The following RMND5B variants were observed in gnomAD, a reference collection of about 807,000 sequenced individuals.
RMND5B encodes the protein required for meiotic nuclear division 5 homolog B, also known as E3 ubiquitin-protein transferase RMND5B.
RMND5B carries 42 observed loss-of-function variants against 50.4 expected under a neutral mutation model. The observed-to-expected ratio is 0.83, with a 90% confidence interval of 0.65 to 1.08. The LOEUF (loss-of-function observed/expected upper bound fraction) is 1.08. Ranked by LOEUF, RMND5B falls within the 50% of genes least tolerant of loss-of-function variation. RMND5B has a pLI of 0.00. For missense variants in RMND5B, 463 were observed against 508.5 expected (o/e 0.91, Z 0.86); for synonymous variants, 220 against 210.0 (o/e 1.05, Z -0.41).
chr5:178,146,332 A>G, intron 8 of RMND5B, 53 bp downstream of exon 8: 1 of 1,555,756 alleles, frequency 6.4e-7, no homozygotes, highest in Non-Finnish European at 8.8e-7. Context: ...AGAGGTAATC[A>G]TCATTTGCCA....
At chr5:178,144,260 T>C in intron 7 of RMND5B, 152 bp downstream of exon 7, 1 of 765,260 alleles carries the variant, frequency 1.3e-6, no homozygotes, top group Non-Finnish European at 2.1e-6. Flanking sequence ...ACCCCTCGTG[T>C]CCAGGATGAA....
chr5:178,140,872 T>C (rs1370926728), intron 3 of RMND5B, among the ~76,000 whole-genome samples: 1 of 151,900 alleles, frequency 6.6e-6, no homozygotes, highest in Non-Finnish European at 1.5e-5. Context: ...TTTGATACCA[T>C]ATAAATGTCC....
At position 178,138,519 on chromosome 5, in the gene RMND5B, T is replaced by TTTTGTG. The variant is rs3222950; in HGVS notation, c.139+262_139+263insTTGTGT. ...TTTTTAACTTTTTTTCATTTTATAA[T>TTTTGTG]TGTGTGTGTGTGTGTGTGTGTGTGT... On this transcript the variant is annotated intron_variant, in intron 3 of 10. Coordinates refer to ENST00000313386, the MANE Select transcript of RMND5B (RefSeq NM_022762.5). This position sits in a 1 kb window ranked among gnomAD's most constrained non-coding sequence, Gnocchi z 5.1. 7 of 301,372 alleles carry TTTTGTG rather than the reference T, an allele frequency of 2.3e-5. No individual in the cohort carries two copies. The highest frequency in any genetic ancestry group is 3.3e-5 in the Non-Finnish European group (6 of 179,432). 18.7% of individuals were successfully genotyped at this position (301,372 alleles called of 1,614,324 possible).
intron 3 of RMND5B, chr5:178,142,212 G>T (rs1417124263): frequency 1.0e-5 from 2 of 194,688 alleles, no homozygotes; most frequent in East Asian, 2.5e-4. Context: ...GAGTGGAACT[G>T]CTGGATCAGG....
At position 178,148,169 on chromosome 5, in the gene RMND5B, G is replaced by A. The variant is rs1014738682; in HGVS notation, c.*137G>A. On this transcript the variant is annotated 3_prime_UTR_variant, in exon 11 of 11. Transcript: ENST00000313386. The stretch of plus-strand genomic sequence containing the variant: ...GAGGAGTTCCACTGAGGGGAGCACT[G>A]GAGCAGCCCTTTGGCAGAGGCTGAG... 1.2e-6 allele frequency: 1 copy of A among 812,706 alleles called. No individual in the cohort carries two copies. Among genetic ancestry groups the A allele is most frequent in the Non-Finnish European group, 2.0e-6 (1 of 490,290 alleles). The allele number at this position is 812,706 out of a possible 1,614,324, so 50.3% of individuals were successfully genotyped here. A position where few individuals can be genotyped will look rare whatever the true frequency, so the allele number is the denominator to read the frequency against.
chr5:178,139,141 CAAAATAAAT>C (rs1374827918), intron 3 of RMND5B, among the ~76,000 whole-genome samples: 1 of 151,734 alleles, frequency 6.6e-6, no homozygotes, highest in Non-Finnish European at 1.5e-5. Flanking sequence ...TCTCAAAAAA[CAAAATAAAT>C]AAATCAATCC....
chr5:178,140,611 C>T (rs1238502790), intron 3 of RMND5B, among the ~76,000 whole-genome samples: 2 of 151,882 alleles, frequency 1.3e-5, no homozygotes, highest in African/African-American at 4.8e-5. Context: ...GGGCGGATCA[C>T]TCGAGCCCAG....
rs554955278 is a variant in RMND5B at position 178,148,384 on chromosome 5, T to C, written c.*352T>C. On this transcript the variant is annotated 3_prime_UTR_variant, in exon 11 of 11. Coordinates refer to ENST00000313386, the MANE Select transcript of RMND5B (RefSeq NM_022762.5). The stretch of plus-strand genomic sequence containing the variant: ...CCACCCCTGCCCTCAGCCAAGTCTC[T>C]TGCTGCCATGCCAATGCTATGTCCA... The C allele has an allele frequency of 3.0e-4, 111 of 367,246 alleles. No homozygotes were observed. Among genetic ancestry groups the C allele is most frequent in the South Asian group, 2.7e-3 (108 of 40,116 alleles). 22.7% of individuals were successfully genotyped at this position (367,246 alleles called of 1,614,324 possible).
intron 7 of RMND5B, among the ~76,000 whole-genome samples, chr5:178,145,175 G>A (rs986273903): frequency 6.1e-4 from 92 of 151,424 alleles, no homozygotes; most frequent in African/African-American, 2.0e-3. Context: ...TCAGCCTCCC[G>A]AGTAGCTGGG....
Position 178,134,608 on chromosome 5 carries a change from ACCT to A in RMND5B, c.-13+3236_-13+3238del, listed in dbSNP as rs564353503. On this transcript the variant is annotated intron_variant, in intron 2 of 10. Coordinates refer to ENST00000313386, the MANE Select transcript of RMND5B (RefSeq NM_022762.5). ...GGCTTGCTCTAGACAGACTGAATTA[ACCT>A]CCTGCATTTTTTGGATAGAATACCC... 3.9e-4 allele frequency among the ~76,000 whole-genome samples: 59 copies of A among 152,130 alleles called. No individual in the cohort carries two copies. In the South Asian group the frequency reaches 6.0e-3, roughly 16 times the overall value.
At chr5:178,140,065 G>A (rs1405949889) in intron 3 of RMND5B, among the ~76,000 whole-genome samples, 1 of 152,276 alleles carries the variant, frequency 6.6e-6, no homozygotes, top group Non-Finnish European at 1.5e-5. Context: ...GTTGTCTGAT[G>A]TTTTCTCATT....
intron 7 of RMND5B, among the ~76,000 whole-genome samples, chr5:178,145,257 C>T (rs1444361592): frequency 3.9e-5 from 6 of 151,962 alleles, no homozygotes; most frequent in East Asian, 3.9e-4. Context: ...GAGGCTGAGG[C>T]GGGTGGATCA....
rs1581114228 is a variant in RMND5B at position 178,137,524 on chromosome 5, G to A, written c.-12-584G>A. On this transcript the variant is annotated intron_variant, in intron 2 of 10. Coordinates refer to ENST00000313386, the MANE Select transcript of RMND5B (RefSeq NM_022762.5). This position sits in a 1 kb window ranked among gnomAD's most constrained non-coding sequence, Gnocchi z 4.4. ...GCAACACAGAGAGACCCGTCTCTAC[G>A]AAAAAAAATTTTAAATTAGACAGGT... Among the ~76,000 whole-genome samples the A allele has an allele frequency of 6.6e-6, 1 of 151,802 alleles. No individual in the cohort carries two copies. The highest frequency in any genetic ancestry group is 1.9e-4 in the East Asian group (1 of 5,164).
At chr5:178,139,427 G>A (rs1361025416) in intron 3 of RMND5B, among the ~76,000 whole-genome samples, 7 of 151,760 alleles carry the variant, frequency 4.6e-5, no homozygotes, top group Non-Finnish European at 5.9e-5. Context: ...GGCTGGTCTC[G>A]AACTCCTGAC....
chr5:178,143,415 G>C (rs558865810), intron 5 of RMND5B, among the ~76,000 whole-genome samples: 1 of 152,314 alleles, frequency 6.6e-6, no homozygotes, highest in African/African-American at 2.4e-5. Context: ...GGGGTCTGCA[G>C]TCTGCACTCG....
intron 3 of RMND5B, chr5:178,141,996 C>T (rs547321123): frequency 1.9e-5 from 3 of 153,966 alleles, no homozygotes; most frequent in Admixed American, 1.9e-4. Flanking sequence ...TTTCAAGGCT[C>T]ATCTATGCTG....
chr5:178,144,973 C>G, intron 7 of RMND5B, among the ~76,000 whole-genome samples: 1 of 152,180 alleles, frequency 6.6e-6, no homozygotes, highest in East Asian at 1.9e-4. Context: ...CCTGTACTAA[C>G]TTGTTTTTTT....
chr5:178,131,937 T>C (rs1758332758), intron 2 of RMND5B, among the ~76,000 whole-genome samples: 1 of 152,114 alleles, frequency 6.6e-6, no homozygotes, highest in Admixed American at 6.5e-5. Flanking sequence ...TGGAGTTTTT[T>C]CTAAGTACAG....
chr5:178,148,403 A>G lies in RMND5B; in HGVS notation c.*371A>G, dbSNP rs1287750388. On this transcript the variant is annotated 3_prime_UTR_variant, in exon 11 of 11. Coordinates refer to ENST00000313386, the MANE Select transcript of RMND5B (RefSeq NM_022762.5). ...AGTCTCTTGCTGCCATGCCAATGCT[A>G]TGTCCACCCTTGCCCCTCGGCCCAA... The G allele has an allele frequency of 5.7e-6, 2 of 348,590 alleles. No homozygotes were observed. The allele number at this position is 348,590 out of a possible 1,614,324, so 21.6% of individuals were successfully genotyped here. A position where few individuals can be genotyped will look rare whatever the true frequency, so the allele number is the denominator to read the frequency against.
Sources: allele counts gnomAD v4.1 joint callset (sites outside exome capture counted in the v4.1 genomes callset), GRCh38; gene constraint gnomAD v4.1.1; non-coding constraint Gnocchi (gnomAD v3.1); transcripts MANE v1.5; gene names NCBI Gene and HGNC (gene_info 2026-07-23, HGNC 2026-07-21).